ODF2: variants seen among roughly 807,000 people sequenced by gnomAD.
The protein encoded by ODF2 is outer dense fiber protein 2.
In ODF2, 47 loss-of-function variants were observed where a neutral mutation model predicts 110.2. The observed-to-expected ratio is 0.43, with a 90% CI of 0.34 to 0.54. ODF2 has a LOEUF of 0.54. Ranked by LOEUF, ODF2 falls within the 20% of genes least tolerant of loss-of-function variation. The probability of loss-of-function intolerance (pLI) is 0.03; values close to 1 mark genes in which losing one functional copy is unlikely to be tolerated. For missense variants in ODF2, 812 were observed against 1,054.5 expected (o/e 0.77, Z 3.19); for synonymous variants, 352 against 397.7 (o/e 0.89, Z 1.37).
intron 4 of ODF2, among the ~76,000 whole-genome samples, chr9:128,461,741 A>T (rs1836516299): frequency 1.3e-5 from 2 of 152,152 alleles, no homozygotes; most frequent in African/African-American, 4.8e-5. Flanking sequence ...AGTTTATTAC[A>T]TTAGAAATCT....
At position 128,473,751 on chromosome 9, in the gene ODF2, G is replaced by T; in HGVS notation, c.843+10G>T. The T allele has an allele frequency of 6.2e-7, 1 of 1,611,652 alleles. No individual in the cohort carries two copies. The highest frequency in any genetic ancestry group is 8.5e-7 in the Non-Finnish European group (1 of 1,178,990). The stretch of plus-strand genomic sequence containing the variant: ...ACAGCACTGCAAAGAGGTGAGCTTG[G>T]GGCCTGGCTCTTTCCCTCCAGCTCT... On this transcript the variant is annotated intron_variant, in intron 8 of 20. Transcript: ENST00000604420.
exon 2 of ODF2, chr9:128,457,213 A>T (rs758753058): frequency 9.7e-5 from 151 of 1,558,578 alleles, no homozygotes; most frequent in Non-Finnish European, 9.2e-5. Flanking sequence ...TTGCTGTGCG[A>T]CTTGGACAGT....
At chr9:128,468,766 C>T (rs984618398) in intron 4 of ODF2, among the ~76,000 whole-genome samples, 1 of 152,178 alleles carries the variant, frequency 6.6e-6, no homozygotes, top group African/African-American at 2.4e-5. Flanking sequence ...TGGTCATCCA[C>T]CCGCCTCAGC....
chr9:128,478,800 C>T (rs916943701), intron 8 of ODF2, among the ~76,000 whole-genome samples: 3 of 152,098 alleles, frequency 2.0e-5, no homozygotes, highest in Non-Finnish European at 2.9e-5. Flanking sequence ...CTCACCATCT[C>T]GGTGCTTGCT....
chr9:128,495,801 A>C (rs567944581), intron 17 of ODF2, among the ~76,000 whole-genome samples: 1 of 152,238 alleles, frequency 6.6e-6, no homozygotes, highest in South Asian at 2.1e-4. Context: ...TCGAGAAAGC[A>C]TCTTTGTCAT....
At chr9:128,478,379 C>T (rs1043402582) in intron 8 of ODF2, among the ~76,000 whole-genome samples, 2 of 152,068 alleles carry the variant, frequency 1.3e-5, no homozygotes, top group African/African-American at 2.4e-5. Flanking sequence ...GGGCAGATTG[C>T]CTGAGCTCAG....
In ODF2 at chr9:128,466,138, C is replaced by A. The variant is rs1234509119; in HGVS notation, c.250-3045C>A. On this transcript the variant is annotated intron_variant, in intron 4 of 20. Coordinates refer to ENST00000604420, the Ensembl canonical transcript of ODF2. ...TGGGCAACAAAGCGAGTCTCCATCT[C>A]AAAAAAAAAACAAAAAAAACGGAAA... is the stretch of plus-strand genomic sequence containing the variant. Among the ~76,000 whole-genome samples, 29 of 134,312 alleles carry A rather than the reference C, an allele frequency of 2.2e-4. 1 individual carries two copies. Among genetic ancestry groups the A allele is most frequent in the African/African-American group, 7.5e-4 (27 of 36,206 alleles). 88.1% of individuals were successfully genotyped at this position (134,312 alleles called of 152,430 possible). A position where few individuals can be genotyped will look rare whatever the true frequency, so the allele number is the denominator to read the frequency against.
chr9:128,458,956 C>T (rs1429480985), intron 2 of ODF2, among the ~76,000 whole-genome samples: 10 of 152,022 alleles, frequency 6.6e-5, no homozygotes, highest in African/African-American at 1.7e-4. Context: ...TTGATTCTCC[C>T]ACCTCAGCCT....
At chr9:128,482,855 G>A in exon 10 of ODF2, 1 of 1,612,540 alleles carries the variant, frequency 6.2e-7, no homozygotes, top group Non-Finnish European at 8.5e-7. Flanking sequence ...CAAGGAGGTG[G>A]AAGAGCTCCT....
downstream of ODF2, chr9:128,501,048 CAGT>C (rs1378511356): frequency 2.0e-5 from 3 of 152,134 alleles, no homozygotes; most frequent in African/African-American, 7.2e-5. Flanking sequence ...GCAGGACAGC[CAGT>C]AGACATTTTT....
Position 128,473,691 on chromosome 9 carries a change from G to T in ODF2, c.793G>T (p.Glu265Ter). ...CCTGCAGAAGCTGAGCACATTTGAG[G>T]AGACCAACCGCACCCTCCGAGACCT... Residue 265 changes from glutamate to a stop codon, truncating the protein, a stop_gained, in exon 8 of 21, where the codon GAG becomes TAG. Transcript: ENST00000604420. LOFTEE classifies it high-confidence loss of function. The T allele has an allele frequency of 6.2e-7, 1 of 1,613,716 alleles. No homozygotes were observed. Among genetic ancestry groups the T allele is most frequent in the South Asian group, 1.1e-5 (1 of 91,054 alleles).
Position 128,494,346 on chromosome 9 carries a change from G to A in ODF2, c.1753-164G>A, listed in dbSNP as rs1040829026. Among the ~76,000 whole-genome samples, 2 of 152,174 alleles carry A rather than the reference G, an allele frequency of 1.3e-5. No homozygotes were observed. The highest frequency in any genetic ancestry group is 4.8e-5 in the African/African-American group (2 of 41,452). ...GCAAGCCACCTGCTCAATGGCCAGC[G>A]GGGAGTGTAGGCCACACTTCTGCTG... On this transcript the variant is annotated intron_variant, in intron 16 of 20. Transcript: ENST00000604420. This position sits in a 1 kb window ranked among gnomAD's most constrained non-coding sequence, Gnocchi z 4.6.
rs1051930894 is a variant in ODF2 at position 128,456,581 on chromosome 9, G to T, written c.-209+326G>T. 2.0e-5 allele frequency: 31 copies of T among 1,523,488 alleles called. No homozygotes were observed. The African/African-American group carries it at 3.8e-4, about 19-fold the overall frequency. 94.4% of individuals were successfully genotyped at this position (1,523,488 alleles called of 1,614,324 possible). On this transcript the variant is annotated intron_variant, in intron 1 of 20. Transcript: ENST00000604420. ...CCGGTACCCTCCTGCCTGCTGGTGGGTGGCCGTCCCTTCTCTCCGCCGACA... is the reference window on the plus strand; with the variant it reads ...CCGGTACCCTCCTGCCTGCTGGTGGTTGGCCGTCCCTTCTCTCCGCCGACA...
At position 128,482,671 on chromosome 9, in the gene ODF2, G is replaced by T. The variant is rs926855871; in HGVS notation, c.916-145G>T. The T allele has an allele frequency of 7.4e-6, 4 of 539,308 alleles. No homozygotes were observed. In the African/African-American group the frequency reaches 7.8e-5, roughly 11 times the overall value. 33.4% of individuals were successfully genotyped at this position (539,308 alleles called of 1,614,324 possible). The stretch of plus-strand genomic sequence containing the variant: ...AAAAATGTTTTAATGCATATGTTAG[G>T]TGCTTCCTACCAGAATCTCTGACAT... On this transcript the variant is annotated intron_variant, in intron 9 of 20. Transcript: ENST00000604420.
At chr9:128,498,700 A>G in intron 19 of ODF2, 125 bp downstream of exon 19, 1 of 657,352 alleles carries the variant, frequency 1.5e-6, no homozygotes, top group African/African-American at 1.8e-5. Context: ...AGTTGTAAGG[A>G]TCACATTTTC....
At position 128,500,205 on chromosome 9, in the gene ODF2, TC is replaced by T. The variant is rs778689687; in HGVS notation, c.2442del (p.Thr815ProfsTer3). Reference sequence around the variant, plus strand: ...CAACGTGTTTGGGGATGGTCCCTATTCCACCTTCCTGACTAGCTCTCCCATC... The same window carrying T: ...CAACGTGTTTGGGGATGGTCCCTATTCACCTTCCTGACTAGCTCTCCCATC... On this transcript the variant is annotated frameshift_variant, in exon 21 of 21. Transcript: ENST00000604420. LOFTEE classifies it high-confidence loss of function. 5 of 1,614,046 alleles carry T rather than the reference TC, an allele frequency of 3.1e-6. No individual in the cohort carries two copies. Among genetic ancestry groups the T allele is most frequent in the Middle Eastern group, 1.6e-4 (1 of 6,084 alleles).
chr9:128,460,245 G>A (rs1178460216), intron 3 of ODF2: 6 of 1,335,680 alleles, frequency 4.5e-6, no homozygotes, highest in Non-Finnish European at 5.9e-6. Flanking sequence ...CAGGTTTAGA[G>A]GAGATCCAGC....
In ODF2 at chr9:128,456,838, G is replaced by A. The variant is rs907972427; in HGVS notation, c.-208-360G>A. 4 of 1,312,484 alleles carry A rather than the reference G, an allele frequency of 3.0e-6. No homozygotes were observed. The East Asian group carries it at 9.7e-5, about 32-fold the overall frequency. The allele number at this position is 1,312,484 out of a possible 1,614,324, so 81.3% of individuals were successfully genotyped here. A position where few individuals can be genotyped will look rare whatever the true frequency, so the allele number is the denominator to read the frequency against. On this transcript the variant is annotated intron_variant, in intron 1 of 20. Transcript: ENST00000604420. The stretch of plus-strand genomic sequence containing the variant: ...CTGTTCGGTTTTCCCTCGCGGCGGG[G>A]CGCCCGGGGCCCGTGCAACCTCCGC...
At position 128,478,464 on chromosome 9, in the gene ODF2, G is replaced by A. The variant is rs149969013; in HGVS notation, c.844-3116G>A. 6.4e-4 allele frequency among the ~76,000 whole-genome samples: 97 copies of A among 151,814 alleles called. 1 individual carries two copies. In the East Asian group the frequency reaches 0.018, roughly 28 times the overall value. ...ATACAAAAAAATGAGCTGGCATGGC[G>A]GTACGCTCCTGTAGTCCCAGTTACT... On this transcript the variant is annotated intron_variant, in intron 8 of 20. Transcript: ENST00000604420.
Sources: gnomAD v4.1 joint callset for allele counts (sites outside exome capture counted in the v4.1 genomes callset) on GRCh38, gnomAD v4.1.1 for gene constraint, Gnocchi (gnomAD v3.1) non-coding constraint, MANE v1.5 for transcripts, NCBI Gene and HGNC (gene_info 2026-07-23, HGNC 2026-07-21) for gene names.